The following KIRREL3 variants were observed in gnomAD, a reference collection of about 807,000 sequenced individuals.
KIRREL3 encodes the protein kirre like nephrin family adhesion molecule 3.
In KIRREL3, 36 loss-of-function variants were observed where a neutral mutation model predicts 89.7. That is an observed-to-expected ratio of 0.40 (90% CI 0.31 to 0.53). The LOEUF (loss-of-function observed/expected upper bound fraction) is 0.53. KIRREL3 is among the 20% of genes least tolerant of loss of function. The probability of loss-of-function intolerance (pLI) is 0.49; values close to 1 mark genes in which losing one functional copy is unlikely to be tolerated. For missense variants in KIRREL3, 864 were observed against 1,056.6 expected (o/e 0.82, Z 2.53); for synonymous variants, 445 against 441.4 (o/e 1.01, Z -0.10).
intron 1 of KIRREL3, among the ~76,000 whole-genome samples, chr11:126,693,468 T>A (rs1946959514): frequency 6.6e-6 from 1 of 151,920 alleles, no homozygotes; most frequent in Non-Finnish European, 1.5e-5. Flanking sequence ...AAACTGGCTA[T>A]CAGGAGATGA....
chr11:126,700,150 T>G (rs1947256612), intron 1 of KIRREL3, among the ~76,000 whole-genome samples: 1 of 151,066 alleles, frequency 6.6e-6, no homozygotes, highest in Admixed American at 6.6e-5. Context: ...ATTATGCTTG[T>G]GCCACTGCAG....
chr11:126,702,343 G>A (rs1192591755), intron 1 of KIRREL3, among the ~76,000 whole-genome samples: 2 of 152,186 alleles, frequency 1.3e-5, no homozygotes, highest in African/African-American at 2.4e-5. Context: ...AATGCACAGA[G>A]CTCCACAAAT....
intron 2 of KIRREL3, among the ~76,000 whole-genome samples, chr11:126,552,095 A>G (rs1354920612): frequency 1.3e-5 from 2 of 152,226 alleles, no homozygotes; most frequent in East Asian, 3.8e-4. Context: ...TTAATGTAGT[A>G]TTGGATTTCC....
chr11:126,541,659 G>C lies in KIRREL3; in HGVS notation c.134-14972C>G, dbSNP rs966262108. On this transcript the variant is annotated intron_variant, in intron 2 of 16. Coordinates refer to ENST00000525144, the MANE Select transcript of KIRREL3 (RefSeq NM_032531.4). This position sits in a 1 kb window ranked among gnomAD's most constrained non-coding sequence, Gnocchi z 4.8. ...TCCAACTCAGAGATTCTGGGATAGTGGCTCTGAGCTGGGTCAAGGAATCTG... is the reference window on the plus strand; with the variant it reads ...TCCAACTCAGAGATTCTGGGATAGTCGCTCTGAGCTGGGTCAAGGAATCTG... Among the ~76,000 whole-genome samples, 1 of 152,210 alleles carries C rather than the reference G, an allele frequency of 6.6e-6. No individual in the cohort carries two copies. Among genetic ancestry groups the C allele is most frequent in the Admixed American group, 6.5e-5 (1 of 15,286 alleles).
At position 126,463,434 on chromosome 11, in the gene KIRREL3, G is replaced by A. The variant is rs374278488; in HGVS notation, c.592-127C>T. 4.3e-5 allele frequency: 41 copies of A among 957,322 alleles called. No individual in the cohort carries two copies. In the African/African-American group the frequency reaches 5.9e-4, roughly 14 times the overall value. 59.3% of individuals were successfully genotyped at this position (957,322 alleles called of 1,614,324 possible). A position where few individuals can be genotyped will look rare whatever the true frequency, so the allele number is the denominator to read the frequency against. ...GCTGTGGATGGAGGGGTTCAGCTTA[G>A]GAGACCTGGGCTGCCCATGTCTACG... On this transcript the variant is annotated intron_variant, in intron 5 of 16. Coordinates refer to ENST00000525144, the MANE Select transcript of KIRREL3 (RefSeq NM_032531.4). This position sits in a 1 kb window ranked among gnomAD's most constrained non-coding sequence, Gnocchi z 5.9.
chr11:126,569,927 C>T lies in KIRREL3; in HGVS notation c.56-7015G>A, dbSNP rs899751747. On this transcript the variant is annotated intron_variant, in intron 1 of 16. Transcript: ENST00000525144. The surrounding 1 kb of genome is among the most constrained non-coding windows in gnomAD (Gnocchi z 6.5). ...TTGGAAAGTTTTCACTTTGATTCTG[C>T]TAAACTGCTTTCTGCATCGGTTCTG... 2.0e-5 allele frequency among the ~76,000 whole-genome samples: 3 copies of T among 152,082 alleles called. No individual in the cohort carries two copies. Among genetic ancestry groups the T allele is most frequent in the Admixed American group, 2.0e-4 (3 of 15,276 alleles).
At position 126,876,497 on chromosome 11, in the gene KIRREL3, C is replaced by A. The variant is rs909878282; in HGVS notation, c.55+123958G>T. Among the ~76,000 whole-genome samples, 1 of 151,974 alleles carries A rather than the reference C, an allele frequency of 6.6e-6. No individual in the cohort carries two copies. The highest frequency in any genetic ancestry group is 1.5e-5 in the Non-Finnish European group (1 of 68,020). ...CTGCTCACTGTTGCACCTGATACACCTATCCTAGTGCTTGGCTTACAGTAC... is the reference window on the plus strand; with the variant it reads ...CTGCTCACTGTTGCACCTGATACACATATCCTAGTGCTTGGCTTACAGTAC... On this transcript the variant is annotated intron_variant, in intron 1 of 16. Transcript: ENST00000525144. This position sits in a 1 kb window ranked among gnomAD's most constrained non-coding sequence, Gnocchi z 4.1.
At chr11:126,925,775 T>C (rs956253116) in intron 1 of KIRREL3, among the ~76,000 whole-genome samples, 1 of 152,224 alleles carries the variant, frequency 6.6e-6, no homozygotes, top group Non-Finnish European at 1.5e-5. Context: ...CCAGGCAGCA[T>C]GGCTGCACTG....
chr11:126,905,897 C>T lies in KIRREL3; in HGVS notation c.55+94558G>A, dbSNP rs144147906. Among the ~76,000 whole-genome samples, 101 of 152,316 alleles carry T rather than the reference C, an allele frequency of 6.6e-4. No homozygotes were observed. Among genetic ancestry groups the T allele is most frequent in the Middle Eastern group, 6.8e-3 (2 of 294 alleles). On this transcript the variant is annotated intron_variant, in intron 1 of 16. Coordinates refer to ENST00000525144, the MANE Select transcript of KIRREL3 (RefSeq NM_032531.4). The surrounding 1 kb of genome is among the most constrained non-coding windows in gnomAD (Gnocchi z 5.0). ...GCCATGCAAAATTCCTGGTGCAGCA[C>T]AGCTAAGTGAGGATGCACGGAGGAG...
intron 1 of KIRREL3, among the ~76,000 whole-genome samples, chr11:126,726,187 A>G (rs1251641124): frequency 1.3e-5 from 2 of 152,028 alleles, no homozygotes; most frequent in African/African-American, 2.4e-5. Context: ...ACAAATATGG[A>G]CTTTCTTGTT....
chr11:126,522,390 C>G lies in KIRREL3; in HGVS notation c.284-926G>C, dbSNP rs1168979013. On this transcript the variant is annotated intron_variant, in intron 3 of 16. Transcript: ENST00000525144. This position sits in a 1 kb window ranked among gnomAD's most constrained non-coding sequence, Gnocchi z 6.0. ...ACAGGAAGTAGAAATCTAGGCCCGC[C>G]CTTCCAGTGTCTAGGAACCTTGGGT... is the stretch of plus-strand genomic sequence containing the variant. Among the ~76,000 whole-genome samples the G allele has an allele frequency of 6.6e-6, 1 of 152,116 alleles. No individual in the cohort carries two copies. The highest frequency in any genetic ancestry group is 1.9e-4 in the East Asian group (1 of 5,186).
At chr11:126,786,135 T>C (rs990968325) in intron 1 of KIRREL3, among the ~76,000 whole-genome samples, 2 of 146,872 alleles carry the variant, frequency 1.4e-5, no homozygotes, top group Non-Finnish European at 2.9e-5. Context: ...ATAGACTTGA[T>C]GGAATATTAT....
In KIRREL3 at chr11:126,776,058, C is replaced by T. The variant is rs1175755905; in HGVS notation, c.56-213146G>A. Among the ~76,000 whole-genome samples, 2 of 152,172 alleles carry T rather than the reference C, an allele frequency of 1.3e-5. No individual in the cohort carries two copies. Among genetic ancestry groups the T allele is most frequent in the Admixed American group, 1.3e-4 (2 of 15,282 alleles). ...CAGAGTGGGAGCCTGGGGAAGCTCC[C>T]CCAGAGGGAAGTCAGGCCTGGCCTG... is the stretch of plus-strand genomic sequence containing the variant. On this transcript the variant is annotated intron_variant, in intron 1 of 16. Transcript: ENST00000525144. The surrounding 1 kb of genome is among the most constrained non-coding windows in gnomAD (Gnocchi z 4.7).
In KIRREL3 at chr11:127,000,269, A is replaced by G. The variant is rs1950284059; in HGVS notation, c.55+186T>C. Among the ~76,000 whole-genome samples, 1 of 152,160 alleles carries G rather than the reference A, an allele frequency of 6.6e-6. No homozygotes were observed. Among genetic ancestry groups the G allele is most frequent in the Non-Finnish European group, 1.5e-5 (1 of 68,038 alleles). On this transcript the variant is annotated intron_variant, in intron 1 of 16. Transcript: ENST00000525144. The surrounding 1 kb of genome is among the most constrained non-coding windows in gnomAD (Gnocchi z 7.1). ...CCATACCCCTTCTTTCCAAAGGAAA[A>G]TAAACAGTACCATTTTGTTGCATTC...
At position 126,715,796 on chromosome 11, in the gene KIRREL3, C is replaced by T. The variant is rs867474267; in HGVS notation, c.56-152884G>A. 2.6e-4 allele frequency among the ~76,000 whole-genome samples: 39 copies of T among 152,286 alleles called. No homozygotes were observed. Among genetic ancestry groups the T allele is most frequent in the African/African-American group, 7.5e-4 (31 of 41,550 alleles). On this transcript the variant is annotated intron_variant, in intron 1 of 16. Coordinates refer to ENST00000525144, the MANE Select transcript of KIRREL3 (RefSeq NM_032531.4). The surrounding 1 kb of genome is among the most constrained non-coding windows in gnomAD (Gnocchi z 4.4). ...ACAGAGAATGTTCAAACACCATCCA[C>T]GATGAACACGGTTGCAGAGAGGCCA...
In KIRREL3 at chr11:126,652,217, C is replaced by T. The variant is rs73030555; in HGVS notation, c.56-89305G>A. ...GGGATGGGCTTCTTTGGTTGAGTTCCGGTGTCTGTTAACCCCCCACCCCTT... is the reference window on the plus strand; with the variant it reads ...GGGATGGGCTTCTTTGGTTGAGTTCTGGTGTCTGTTAACCCCCCACCCCTT... On this transcript the variant is annotated intron_variant, in intron 1 of 16. Coordinates refer to ENST00000525144, the MANE Select transcript of KIRREL3 (RefSeq NM_032531.4). This position sits in a 1 kb window ranked among gnomAD's most constrained non-coding sequence, Gnocchi z 4.9. Among the ~76,000 whole-genome samples, 5,409 of 152,122 alleles carry T rather than the reference C, an allele frequency of 0.036. 138 individuals are homozygous for T. The highest frequency in any genetic ancestry group is 0.056 in the Non-Finnish European group (3,822 of 68,006).
Position 126,860,871 on chromosome 11 carries a change from C to T in KIRREL3, c.55+139584G>A, listed in dbSNP as rs868352964. Among the ~76,000 whole-genome samples, 5 of 152,248 alleles carry T rather than the reference C, an allele frequency of 3.3e-5. No homozygotes were observed. Among genetic ancestry groups the T allele is most frequent in the Middle Eastern group, 3.4e-3 (1 of 294 alleles). On this transcript the variant is annotated intron_variant, in intron 1 of 16. Transcript: ENST00000525144. This position sits in a 1 kb window ranked among gnomAD's most constrained non-coding sequence, Gnocchi z 4.6. ...TAGTGATCCTACACTTGATTCTTCT[C>T]GCAGTTTCAGAAATACTACCTCCTT...
rs990485263 is a variant in KIRREL3 at position 126,636,372 on chromosome 11, A to G, written c.56-73460T>C. On this transcript the variant is annotated intron_variant, in intron 1 of 16. Coordinates refer to ENST00000525144, the MANE Select transcript of KIRREL3 (RefSeq NM_032531.4). The surrounding 1 kb of genome is among the most constrained non-coding windows in gnomAD (Gnocchi z 4.4). ...CTGGTAACCCAGCATCTGCCGTTTA[A>G]CAGATGCCCTGTAAGTGAGTGCCTT... 6.6e-6 allele frequency among the ~76,000 whole-genome samples: 1 copy of G among 152,222 alleles called. No homozygotes were observed. The highest frequency in any genetic ancestry group is 6.5e-5 in the Admixed American group (1 of 15,286).
At chr11:126,466,900 C>T (rs1956742212) in intron 5 of KIRREL3, among the ~76,000 whole-genome samples, 1 of 152,220 alleles carries the variant, frequency 6.6e-6, no homozygotes, top group South Asian at 2.1e-4. Flanking sequence ...ACTGTGGGAG[C>T]CACCGCCTCC....
Sources: allele counts gnomAD v4.1 joint callset (sites outside exome capture counted in the v4.1 genomes callset), GRCh38; gene constraint gnomAD v4.1.1; non-coding constraint Gnocchi (gnomAD v3.1); transcripts MANE v1.5; gene names NCBI Gene and HGNC (gene_info 2026-07-23, HGNC 2026-07-21).